Variants in ZSCAN5A observed in about 807,000 individuals in gnomAD.
ZSCAN5A encodes zinc finger and SCAN domain-containing protein 5A.
Under a neutral mutation model 23.7 loss-of-function variants are expected in ZSCAN5A, and 12 were observed. The ratio of observed to expected loss-of-function variants is 0.51; its 90% CI spans 0.32 to 0.82. The LOEUF is 0.82. ZSCAN5A is among the 40% of genes least tolerant of loss of function. The pLI is 0.03. For synonymous variants in ZSCAN5A, 257 were observed against 239.9 expected (o/e 1.07, Z -0.66); for missense variants, 597 against 617.9 (o/e 0.97, Z 0.36).
intron 2 of ZSCAN5A, among the ~76,000 whole-genome samples, chr19:56,355,117 CATG>C (rs1451354542): frequency 6.7e-6 from 1 of 149,858 alleles, no homozygotes; most frequent in African/African-American, 2.5e-5. Context: ...GGATAGTAAT[CATG>C]ATGTGGGGCA....
chr19:56,320,789 G>A (rs2041367557), intron 2 of ZSCAN5A: 5 of 877,032 alleles, frequency 5.7e-6, no homozygotes, highest in Admixed American at 3.4e-5. Context: ...TGCCATTGTG[G>A]CCACCTCAAA....
chr19:56,333,953 T>C (rs1205739237), intron 2 of ZSCAN5A, among the ~76,000 whole-genome samples: 2 of 152,142 alleles, frequency 1.3e-5, no homozygotes, highest in African/African-American at 4.8e-5. Flanking sequence ...TTGTAAGAAT[T>C]CTGGCATCAT....
chr19:56,321,582 C>G (rs973326835), intron 2 of ZSCAN5A: 9 of 779,696 alleles, frequency 1.2e-5, no homozygotes, highest in Non-Finnish European at 2.1e-5. Flanking sequence ...CTGTCATTGA[C>G]TGTGGCATCC....
intron 2 of ZSCAN5A, among the ~76,000 whole-genome samples, chr19:56,271,752 C>G (rs1278615751): frequency 6.6e-6 from 1 of 152,208 alleles, no homozygotes; most frequent in Non-Finnish European, 1.5e-5. Context: ...ACACACAACC[C>G]TCTGTTTCTA....
At chr19:56,241,776 A>G (rs1359114782) in intron 2 of ZSCAN5A, among the ~76,000 whole-genome samples, 2 of 152,162 alleles carry the variant, frequency 1.3e-5, no homozygotes, top group African/African-American at 2.4e-5. Flanking sequence ...CACTGCTACT[A>G]TGAGTCCACT....
chr19:56,358,215 G>A (rs1224132275), intron 2 of ZSCAN5A, among the ~76,000 whole-genome samples: 1 of 148,648 alleles, frequency 6.7e-6, no homozygotes, highest in Non-Finnish European at 1.5e-5. Flanking sequence ...CCACTTTTCA[G>A]GATCAAGTGA....
At chr19:56,239,325 G>A (rs1373984600) in intron 2 of ZSCAN5A, among the ~76,000 whole-genome samples, 5 of 152,206 alleles carry the variant, frequency 3.3e-5, no homozygotes, top group Non-Finnish European at 4.4e-5. Flanking sequence ...CGGATGCTGC[G>A]AACTTCCCAA....
intron 2 of ZSCAN5A, among the ~76,000 whole-genome samples, chr19:56,349,471 C>T (rs1600298588): frequency 6.6e-6 from 1 of 152,060 alleles, no homozygotes; most frequent in African/African-American, 2.4e-5. Context: ...CCGAGACGGG[C>T]GGATTACGAG....
chr19:56,294,649 C>T (rs2039740301), intron 2 of ZSCAN5A, among the ~76,000 whole-genome samples: 1 of 152,184 alleles, frequency 6.6e-6, no homozygotes. Flanking sequence ...GCCAATAAAA[C>T]TTTATTTACA....
intron 2 of ZSCAN5A, among the ~76,000 whole-genome samples, chr19:56,337,973 ATCT>A (rs1568758508): frequency 6.6e-6 from 1 of 152,124 alleles, no homozygotes; most frequent in Non-Finnish European, 1.5e-5. Flanking sequence ...TAGGCTTAGC[ATCT>A]TCTTTTTTAA....
intron 1 of ZSCAN5A, among the ~76,000 whole-genome samples, chr19:56,367,526 T>C (rs1052735194): frequency 2.0e-5 from 3 of 152,198 alleles, no homozygotes; most frequent in African/African-American, 7.2e-5. Context: ...TGATCCACAA[T>C]GTGAGTTGGT....
intron 2 of ZSCAN5A, among the ~76,000 whole-genome samples, chr19:56,251,893 G>C (rs1188841347): frequency 6.6e-6 from 1 of 152,144 alleles, no homozygotes; most frequent in African/African-American, 2.4e-5. Context: ...TTAAAGTGTG[G>C]TAATATGAGC....
intron 2 of ZSCAN5A, chr19:56,301,908 G>T (rs1039098433): frequency 4.9e-6 from 6 of 1,231,656 alleles, no homozygotes; most frequent in Middle Eastern, 3.1e-4. Flanking sequence ...GCAGTGACAG[G>T]AAGCTCTAAG....
At chr19:56,255,995 T>C (rs778065885) in intron 2 of ZSCAN5A, among the ~76,000 whole-genome samples, 12 of 152,210 alleles carry the variant, frequency 7.9e-5, no homozygotes, top group Admixed American at 1.3e-4. Flanking sequence ...CATGAAACTT[T>C]TAATGAGATA....
intron 2 of ZSCAN5A, among the ~76,000 whole-genome samples, chr19:56,358,984 A>G (rs994374839): frequency 6.6e-6 from 1 of 152,190 alleles, no homozygotes; most frequent in Non-Finnish European, 1.5e-5. Flanking sequence ...AAAGATCTCA[A>G]ATGGACACCC....
intron 2 of ZSCAN5A, among the ~76,000 whole-genome samples, chr19:56,333,356 T>A (rs1461232815): frequency 1.3e-5 from 2 of 151,576 alleles, no homozygotes; most frequent in Non-Finnish European, 2.9e-5. Context: ...ATTTTTTTTT[T>A]AATTCTTTTT....
chr19:56,228,590 A>G (rs1214717684), intron 2 of ZSCAN5A, among the ~76,000 whole-genome samples: 1 of 152,176 alleles, frequency 6.6e-6, no homozygotes, highest in Non-Finnish European at 1.5e-5. Context: ...CCCTCATGCC[A>G]CAGACAGTAA....
rs916406532 is a variant in ZSCAN5A at position 56,287,676 on chromosome 19, G to C, written c.-128+25607C>G. 5.3e-4 allele frequency among the ~76,000 whole-genome samples: 80 copies of C among 152,178 alleles called. 2 individuals are homozygous for C. Among genetic ancestry groups the C allele is most frequent in the Non-Finnish European group, 1.9e-4 (13 of 68,024 alleles). On this transcript the variant is annotated intron_variant, in intron 2 of 5. Coordinates refer to ENST00000683990, the MANE Select transcript of ZSCAN5A (RefSeq NM_001322064.3). ...ATAATAACGGCAGGGGGTTGAGGCA[G>C]ATGTGGAGGAAGTCACAGACTCATG... is the stretch of plus-strand genomic sequence containing the variant.
In ZSCAN5A at chr19:56,235,133, C is replaced by T. The variant is rs991210093; in HGVS notation, c.-127-9960G>A. ...AGCCTCCACTCCAACCTCTGATGGA[C>T]GGTGGGCCAAGCCTCCACTCCAGCC... On this transcript the variant is annotated intron_variant, in intron 2 of 5. Transcript: ENST00000683990. Among the ~76,000 whole-genome samples, 744 of 87,972 alleles carry T rather than the reference C, an allele frequency of 8.5e-3. 9 individuals are homozygous for T. The East Asian group carries it at 0.093, about 11-fold the overall frequency. 57.7% of individuals were successfully genotyped at this position (87,972 alleles called of 152,430 possible). A position where few individuals can be genotyped will look rare whatever the true frequency, so the allele number is the denominator to read the frequency against.
Sources: allele counts gnomAD v4.1 joint callset (sites outside exome capture counted in the v4.1 genomes callset), GRCh38; gene constraint gnomAD v4.1.1; transcripts MANE v1.5; gene names NCBI Gene and HGNC (gene_info 2026-07-23, HGNC 2026-07-21).